The following GGNBP2 variants were observed in gnomAD, a reference collection of about 807,000 sequenced individuals.
GGNBP2 encodes the protein gametogenetin binding protein 2, also known as gametogenetin-binding protein 2.
Under a neutral mutation model 85.9 loss-of-function variants are expected in GGNBP2, and 10 were observed. The observed-to-expected ratio is 0.12, with a 90% CI of 0.07 to 0.20. GGNBP2 has a LOEUF of 0.20. Ranked by LOEUF, GGNBP2 falls within the 10% of genes least tolerant of loss-of-function variation. GGNBP2 has a pLI of 1.00. For synonymous variants in GGNBP2, 287 were observed against 285.7 expected (o/e 1.00, Z -0.05); for missense variants, 595 against 857.8 (o/e 0.69, Z 3.83).
At position 36,557,304 on chromosome 17, in the gene GGNBP2, A is replaced by T; in HGVS notation, c.396A>T (p.Ala132=). 1 of 1,613,926 alleles carries T rather than the reference A, an allele frequency of 6.2e-7. No homozygotes were observed. The highest frequency in any genetic ancestry group is 2.2e-5 in the East Asian group (1 of 44,886). The change falls in exon 4 of 14, where the codon GCA becomes GCT. Residue 132 remains alanine (A), a synonymous_variant. Coordinates refer to ENST00000613102, the MANE Select transcript of GGNBP2 (RefSeq NM_024835.5). The part of the protein sequence containing the change: ...LSVTRSCMTD[A]KKLYTLFYVH... ...TAACTAGAAGCTGCATGACTGATGC[A>T]AAGAAGCTTTATACATTATTTTATG...
In GGNBP2 at chr17:36,586,165, G is replaced by A. The variant is rs1106908; in HGVS notation, c.1608G>A (p.Lys536=). The A allele has an allele frequency of 0.42, 683,443 of 1,612,786 alleles. 147,409 individuals are homozygous for A. Among genetic ancestry groups the A allele is most frequent in the Middle Eastern group, 0.45 (2,711 of 6,014 alleles). Residue 536 remains lysine (K), a synonymous_variant, in exon 12 of 14, where the codon AAG becomes AAA. Coordinates refer to ENST00000613102, the MANE Select transcript of GGNBP2 (RefSeq NM_024835.5). ...CAAAAGGAAAAAATAAAAAGAAGAAGAAGAAAAGCAAGATACTGAAATGTG... is the reference window on the plus strand; with the variant it reads ...CAAAAGGAAAAAATAAAAAGAAGAAAAAGAAAAGCAAGATACTGAAATGTG... ...NDTKGKNKKK[K]KKSKILKCDE... is the part of the protein sequence containing the mutation.
At chr17:36,580,046 A>G (rs914275798) in intron 8 of GGNBP2, among the ~76,000 whole-genome samples, 3 of 152,058 alleles carry the variant, frequency 2.0e-5, no homozygotes, top group Admixed American at 6.6e-5. Flanking sequence ...AACAAAAAAA[A>G]CACACATAAC....
intron 13 of GGNBP2, among the ~76,000 whole-genome samples, chr17:36,587,919 T>G (rs1468064691): frequency 6.6e-6 from 1 of 152,148 alleles, no homozygotes; most frequent in African/African-American, 2.4e-5. Context: ...TGACCATTGT[T>G]AAGTCAGGAC....
rs1567838120 is a variant in GGNBP2, at chr17:36,589,510, T to C, written c.*99T>C. 1 of 817,446 alleles carries C rather than the reference T, an allele frequency of 1.2e-6. No homozygotes were observed. The highest frequency in any genetic ancestry group is 2.0e-6 in the Non-Finnish European group (1 of 500,812). The allele number at this position is 817,446 out of a possible 1,614,324, so 50.6% of individuals were successfully genotyped here. A position where few individuals can be genotyped will look rare whatever the true frequency, so the allele number is the denominator to read the frequency against. On this transcript the variant is annotated 3_prime_UTR_variant, in exon 14 of 14. Coordinates refer to ENST00000613102, the MANE Select transcript of GGNBP2 (RefSeq NM_024835.5). ...AATTTAGTGACTTATGGCAAAATTT[T>C]ATCTTAAATCAATGTGATTCTTTCT...
intron 3 of GGNBP2, among the ~76,000 whole-genome samples, chr17:36,556,751 CTTTTTTTTTTTTTTTTT>C (rs10544073): frequency 1.9e-5 from 1 of 52,818 alleles, no homozygotes; most frequent in African/African-American, 6.3e-5. Flanking sequence ...CTGTATTGTG[CTTTTTTTTTTTTTTTTT>C]TTTTTTTTTT....
chr17:36,575,642 A>ATTTT (rs1341363221), intron 6 of GGNBP2, among the ~76,000 whole-genome samples: 19 of 51,614 alleles, frequency 3.7e-4, no homozygotes, highest in East Asian at 2.1e-3. Context: ...ATATATATAT[A>ATTTT]TATATATTTT....
intron 4 of GGNBP2, among the ~76,000 whole-genome samples, chr17:36,558,125 G>T (rs1444538501): frequency 1.3e-5 from 2 of 150,640 alleles, no homozygotes; most frequent in Non-Finnish European, 3.0e-5. Flanking sequence ...AAGAAAAAAA[G>T]AAGAGCGACT....
intron 2 of GGNBP2, among the ~76,000 whole-genome samples, chr17:36,550,816 T>C (rs139843021): frequency 2.4e-3 from 371 of 152,350 alleles, no homozygotes; most frequent in African/African-American, 8.4e-3. Flanking sequence ...TTTACAGGAC[T>C]GTCTTCCTTT....
At chr17:36,572,105 A>G (rs537478244) in intron 6 of GGNBP2, among the ~76,000 whole-genome samples, 1 of 152,242 alleles carries the variant, frequency 6.6e-6, no homozygotes, top group Admixed American at 6.5e-5. Flanking sequence ...CAAATGGGAA[A>G]AAAGCTTTTA....
rs1469460250 is a variant in GGNBP2, at chr17:36,545,899, C to G, written c.93+82C>G. The G allele has an allele frequency of 1.2e-5, 12 of 971,162 alleles. 1 individual carries two copies. The South Asian group carries it at 1.8e-4, about 14-fold the overall frequency. 60.2% of individuals were successfully genotyped at this position (971,162 alleles called of 1,614,324 possible). On this transcript the variant is annotated intron_variant, in intron 2 of 13. Coordinates refer to ENST00000613102, the MANE Select transcript of GGNBP2 (RefSeq NM_024835.5). ...TCCCCCTCCCCCAGGCCGAGCGCTG[C>G]GCACTGGAGAAAGAGTGTGTTGCAA...
intron 13 of GGNBP2, among the ~76,000 whole-genome samples, chr17:36,588,334 C>T (rs1177316245): frequency 2.6e-5 from 4 of 151,790 alleles, no homozygotes; most frequent in African/African-American, 7.3e-5. Flanking sequence ...CTCGGCTAAT[C>T]GCAACCTCCG....
At chr17:36,579,716 A>G (rs1016275148) in intron 8 of GGNBP2, among the ~76,000 whole-genome samples, 4 of 152,204 alleles carry the variant, frequency 2.6e-5, no homozygotes, top group African/African-American at 9.7e-5. Flanking sequence ...CTGCTATGAA[A>G]CATAACTAGT....
intron 7 of GGNBP2, chr17:36,578,969 A>G (rs1432478541): frequency 3.0e-5 from 11 of 362,166 alleles, no homozygotes; most frequent in South Asian, 7.9e-5. Flanking sequence ...GGACACTTCT[A>G]TGTGATTGCT....
intron 2 of GGNBP2, 61 bp downstream of exon 2, chr17:36,545,878 C>A (rs1294611690): frequency 1.6e-6 from 2 of 1,215,386 alleles, no homozygotes; most frequent in South Asian, 2.6e-5. Context: ...CCCTCCTCCC[C>A]CTCCCCCAGG....
At chr17:36,551,548 A>G (rs930171808) in intron 2 of GGNBP2, among the ~76,000 whole-genome samples, 2 of 151,810 alleles carry the variant, frequency 1.3e-5, no homozygotes, top group African/African-American at 2.4e-5. Flanking sequence ...TATCCATATA[A>G]TTAAAATATT....
chr17:36,566,487 C>G (rs946313566), intron 5 of GGNBP2, among the ~76,000 whole-genome samples: 1 of 151,782 alleles, frequency 6.6e-6, no homozygotes, highest in African/African-American at 2.4e-5. Flanking sequence ...TGACAAGACC[C>G]TGCTGTCTCT....
rs71159614 is a variant in GGNBP2, at chr17:36,548,615, CAAAAAAAAAAAAAAAAAAAA to C, written c.93+2816_93+2835del. Reference sequence around the variant, plus strand: ...GGGCAACAAGAGCAAGACTCTGTCTCAAAAAAAAAAAAAAAAAAAAAAAAAAAAAAAAAAAAAGTAGCCTT... The same window carrying C: ...GGGCAACAAGAGCAAGACTCTGTCTCAAAAAAAAAAAAAAAAAGTAGCCTT... On this transcript the variant is annotated intron_variant, in intron 2 of 13. Transcript: ENST00000613102. Among the ~76,000 whole-genome samples, 229 of 23,734 alleles carry C rather than the reference CAAAAAAAAAAAAAAAAAAAA, an allele frequency of 9.6e-3. 1 individual carries two copies. Among genetic ancestry groups the C allele is most frequent in the Middle Eastern group, 0.045 (1 of 22 alleles). 15.6% of individuals were successfully genotyped at this position (23,734 alleles called of 152,430 possible). A position where few individuals can be genotyped will look rare whatever the true frequency, so the allele number is the denominator to read the frequency against.
intron 6 of GGNBP2, among the ~76,000 whole-genome samples, chr17:36,573,967 A>G (rs561263379): frequency 9.2e-5 from 14 of 151,644 alleles, no homozygotes; most frequent in African/African-American, 1.9e-4. Context: ...AAATTAAGCT[A>G]TTTTTTTTGT....
At chr17:36,580,916 C>T (rs2074642748) in intron 8 of GGNBP2, among the ~76,000 whole-genome samples, 1 of 146,918 alleles carries the variant, frequency 6.8e-6, no homozygotes, top group Non-Finnish European at 1.5e-5. Context: ...AAGACTCTGT[C>T]TCAAAAAAAA....
Sources: allele counts gnomAD v4.1 joint callset (sites outside exome capture counted in the v4.1 genomes callset), GRCh38; gene constraint gnomAD v4.1.1; transcripts MANE v1.5; gene names NCBI Gene and HGNC (gene_info 2026-07-23, HGNC 2026-07-21).